The following ERICH1 variants were observed in gnomAD, a reference collection of about 807,000 sequenced individuals.
The protein encoded by ERICH1 is glutamate rich 1.
In ERICH1, 56 loss-of-function variants were observed where a neutral mutation model predicts 39.6. The observed-to-expected ratio is 1.41, with a 90% CI of 1.14 to 1.77. The LOEUF is 1.77. Among genes scored for constraint, ERICH1 ranks in the 40% most tolerant of loss-of-function variants. The pLI is 0.00. For synonymous variants in ERICH1, 313 were observed against 223.6 expected (o/e 1.40, Z -3.57); for missense variants, 826 against 575.4 (o/e 1.44, Z -4.45).
At chr8:653,523 T>A (rs1292275791) in intron 3 of ERICH1, among the ~76,000 whole-genome samples, 1 of 152,226 alleles carries the variant, frequency 6.6e-6, no homozygotes, top group African/African-American at 2.4e-5. Context: ...TTCCCCTTTT[T>A]TTTGTCTATA....
intron 2 of ERICH1, among the ~76,000 whole-genome samples, chr8:706,093 G>A (rs926625358): frequency 4.6e-4 from 70 of 151,818 alleles, no homozygotes; most frequent in Admixed American, 1.2e-3. Context: ...CAGCCTGGGA[G>A]CAACAGGCTG....
Position 664,209 on chromosome 8 carries a change from T to C in ERICH1, c.*394A>G. The C allele has an allele frequency of 1.0e-6, 1 of 987,864 alleles. No individual in the cohort carries two copies. Among genetic ancestry groups the C allele is most frequent in the Non-Finnish European group, 1.2e-6 (1 of 831,068 alleles). 61.2% of individuals were successfully genotyped at this position (987,864 alleles called of 1,614,324 possible). A position where few individuals can be genotyped will look rare whatever the true frequency, so the allele number is the denominator to read the frequency against. ...TCAACTATATTCAAACTACTTAAAC[T>C]AGAACATTTTAATACCCAGAAAGCA... is the stretch of plus-strand genomic sequence containing the variant. On this transcript the variant is annotated 3_prime_UTR_variant, in exon 6 of 6. Coordinates refer to ENST00000262109, the MANE Select transcript of ERICH1 (RefSeq NM_207332.3).
intron 2 of ERICH1, among the ~76,000 whole-genome samples, chr8:698,217 CCTTTTCTT>C (rs1478224576): frequency 9.5e-6 from 1 of 104,754 alleles, no homozygotes; most frequent in Non-Finnish European, 2.2e-5. Context: ...AAATCATATT[CCTTTTCTT>C]TTTTTTTTTT....
Position 673,327 on chromosome 8 carries a change from T to G in ERICH1, c.1025A>C (p.Asn342Thr). ...ITNEKAHSIL[N>T]FLKSTQEMYF... ...CATTTCCTGTGTTGACTTCAAAAAATTTAGAATACTGTGTGCCTTTTCATT... is the reference window on the plus strand; with the variant it reads ...CATTTCCTGTGTTGACTTCAAAAAAGTTAGAATACTGTGTGCCTTTTCATT... The change falls in exon 4 of 6, where the codon AAT becomes ACT. Residue 342 changes from asparagine to threonine, a missense_variant. Physicochemically the swap from Asn to Thr is moderately conservative, Grantham distance 65. Transcript: ENST00000262109. 1 of 1,611,304 alleles carries G rather than the reference T, an allele frequency of 6.2e-7. No individual in the cohort carries two copies. The highest frequency in any genetic ancestry group is 2.2e-5 in the East Asian group (1 of 44,824).
intron 2 of ERICH1, among the ~76,000 whole-genome samples, chr8:705,888 G>A (rs11785410): frequency 0.16 from 24,741 of 152,192 alleles, 2,473 homozygotes; most frequent in Middle Eastern, 0.3. Flanking sequence ...GGACCCTGAA[G>A]ATGGTAACAC....
intron 3 of ERICH1, among the ~76,000 whole-genome samples, chr8:674,705 AT>A (rs1804273929): frequency 1.3e-5 from 2 of 152,204 alleles, no homozygotes; most frequent in Non-Finnish European, 2.9e-5. Flanking sequence ...TTATTTTACA[AT>A]TTAGTCCTTT....
chr8:731,087 A>T, intron 1 of ERICH1, 53 bp downstream of exon 1: 1 of 1,409,960 alleles, frequency 7.1e-7, no homozygotes. Flanking sequence ...CCGCGGTCTG[A>T]GCCGAGAGCC....
intron 1 of ERICH1, chr8:725,940 G>A (rs1477755753): frequency 6.6e-6 from 1 of 152,328 alleles, no homozygotes; most frequent in Admixed American, 6.5e-5. Flanking sequence ...GGGAAAAGAG[G>A]TGCCAACTCC....
Position 673,838 on chromosome 8 carries a change from T to C in ERICH1, c.514A>G (p.Lys172Glu), listed in dbSNP as rs780803882. The C allele has an allele frequency of 1.2e-6, 2 of 1,613,952 alleles. No individual in the cohort carries two copies. ...GCCAAGCCGGCTGCTTTCTTCCTTTTAATTTGCTGTTTCTTTTTCAGTTTC... is the reference window on the plus strand; with the variant it reads ...GCCAAGCCGGCTGCTTTCTTCCTTTCAATTTGCTGTTTCTTTTTCAGTTTC... ...KRKLKKKQQI[K>E]RKKAAGLAAK... Residue 172 changes from lysine (K) to glutamate (E), a missense_variant, in exon 4 of 6, where the codon AAA (lysine) becomes GAA (glutamate). Transcript: ENST00000262109.
chr8:654,151 A>C (rs764609876), intron 3 of ERICH1, among the ~76,000 whole-genome samples: 1 of 152,214 alleles, frequency 6.6e-6, no homozygotes, highest in Non-Finnish European at 1.5e-5. Flanking sequence ...TGTATTTTTT[A>C]AAGTATAGTA....
chr8:716,669 T>A (rs1334307688), intron 1 of ERICH1, among the ~76,000 whole-genome samples: 1 of 152,216 alleles, frequency 6.6e-6, no homozygotes, highest in African/African-American at 2.4e-5. Flanking sequence ...CTGCCCTGAT[T>A]TAAGTGTGGT....
intron 2 of ERICH1, among the ~76,000 whole-genome samples, chr8:710,266 C>T (rs1433504894): frequency 1.3e-5 from 2 of 152,060 alleles, no homozygotes; most frequent in African/African-American, 2.4e-5. Context: ...CCTCTGGGCT[C>T]CACCTGCTCC....
chr8:684,764 C>T (rs554601808), intron 3 of ERICH1, among the ~76,000 whole-genome samples: 9 of 152,232 alleles, frequency 5.9e-5, no homozygotes, highest in Non-Finnish European at 1.0e-4. Context: ...CCGGGGGAGA[C>T]ATCACATGTC....
chr8:645,730 C>A (rs1585026082), intron 3 of ERICH1, among the ~76,000 whole-genome samples: 1 of 68,990 alleles, frequency 1.4e-5, no homozygotes, highest in African/African-American at 3.6e-5. Context: ...TGGAAGCAGT[C>A]CCCCCACCTC....
At chr8:683,629 AT>A (rs1806651079) in intron 3 of ERICH1, among the ~76,000 whole-genome samples, 1 of 152,244 alleles carries the variant, frequency 6.6e-6, no homozygotes, top group Non-Finnish European at 1.5e-5. Flanking sequence ...GCAGGACATC[AT>A]TTAGCTTTTG....
At chr8:685,456 C>G (rs979769494) in intron 3 of ERICH1, among the ~76,000 whole-genome samples, 3 of 152,200 alleles carry the variant, frequency 2.0e-5, no homozygotes, top group Non-Finnish European at 4.4e-5. Context: ...AGGCAACATA[C>G]ATTCTCAGTT....
chr8:658,387 G>C (rs1426038486), intron 3 of ERICH1, among the ~76,000 whole-genome samples: 1 of 152,166 alleles, frequency 6.6e-6, no homozygotes, highest in Admixed American at 6.5e-5. Context: ...CCCCGGAAGG[G>C]GGTGGAGACA....
intron 3 of ERICH1, among the ~76,000 whole-genome samples, chr8:643,039 G>C (rs1050888198): frequency 5.3e-5 from 8 of 152,164 alleles, no homozygotes; most frequent in African/African-American, 1.9e-4. Flanking sequence ...GCTACTGGAA[G>C]AGTCCTGTCA....
chr8:685,106 C>T (rs1356282723), intron 3 of ERICH1, among the ~76,000 whole-genome samples: 1 of 152,212 alleles, frequency 6.6e-6, no homozygotes, highest in Non-Finnish European at 1.5e-5. Context: ...TGTTTCATCC[C>T]TATCTACAAC....
Sources: allele counts gnomAD v4.1 joint callset (sites outside exome capture counted in the v4.1 genomes callset), GRCh38; gene constraint gnomAD v4.1.1; transcripts MANE v1.5; gene names NCBI Gene and HGNC (gene_info 2026-07-23, HGNC 2026-07-21).